SYN3: variants seen among roughly 807,000 people sequenced by gnomAD.
The protein encoded by SYN3 is synapsin-3.
A neutral mutation model predicts 65.8 loss-of-function variants in SYN3; 35 were observed. That is an observed-to-expected ratio of 0.53 (90% CI 0.41 to 0.70). The LOEUF is 0.70. Among genes scored for constraint, SYN3 ranks in the 30% least tolerant of loss-of-function variants. The pLI, the probability that SYN3 is intolerant of heterozygous loss-of-function variation, is 0.00. For missense variants in SYN3, 680 were observed against 749.0 expected, an observed-to-expected ratio of 0.91 and a Z score of 1.08; for synonymous variants, 270 against 292.9, an observed-to-expected ratio of 0.92 and a Z score of 0.80.
chr22:32,694,932 T>C (rs1393126844), intron 6 of SYN3, among the ~76,000 whole-genome samples: 1 of 152,204 alleles, frequency 6.6e-6, no homozygotes, highest in African/African-American at 2.4e-5. Context: ...TTTGTTACAA[T>C]AGCTTCAGAA....
rs183073727 is a variant in SYN3 at position 32,942,405 on chromosome 22, C to T, written c.370-10924G>A. ...AGGGTTCTGACTGTTAGAAGGAAAA[C>T]TAACAAACAGAAAGGACATCCACAA... On this transcript the variant is annotated intron_variant, in intron 3 of 13. Coordinates refer to ENST00000358763, the MANE Select transcript of SYN3 (RefSeq NM_003490.4). Among the ~76,000 whole-genome samples, 1,403 of 152,340 alleles carry T rather than the reference C, an allele frequency of 9.2e-3. 17 individuals carry two copies. The highest frequency in any genetic ancestry group is 0.031 in the African/African-American group (1,306 of 41,572).
chr22:32,720,791 G>GC (rs1459203862), intron 6 of SYN3, among the ~76,000 whole-genome samples: 2 of 152,136 alleles, frequency 1.3e-5, no homozygotes, highest in Admixed American at 1.3e-4. Context: ...GCCTGACTTG[G>GC]CGCCCAGGCC....
chr22:32,609,265 G>A lies in SYN3; in HGVS notation c.712-12529C>T, dbSNP rs929326816. ...CGTGAATCCGGGAGGCGGAGCTTTCGGTGAGCGGAGATGGAGCCACTACTC... is the reference window on the plus strand; with the variant it reads ...CGTGAATCCGGGAGGCGGAGCTTTCAGTGAGCGGAGATGGAGCCACTACTC... On this transcript the variant is annotated intron_variant, in intron 6 of 13. Transcript: ENST00000358763. Among the ~76,000 whole-genome samples, 177 of 151,982 alleles carry A rather than the reference G, an allele frequency of 1.2e-3. 1 individual carries two copies. The highest frequency in any genetic ancestry group is 3.1e-3 in the African/African-American group (127 of 41,458).
chr22:33,002,850 T>C (rs1483991029), intron 2 of SYN3, among the ~76,000 whole-genome samples: 2 of 152,222 alleles, frequency 1.3e-5, no homozygotes, highest in Non-Finnish European at 2.9e-5. Context: ...GGTTTGACTG[T>C]GTACTCACCC....
chr22:32,543,098 T>C lies in SYN3; in HGVS notation c.775-1385A>G, dbSNP rs757625021. On this transcript the variant is annotated intron_variant, in intron 7 of 13. Transcript: ENST00000358763. The stretch of plus-strand genomic sequence containing the variant: ...CTTCCGATCTTCCTCTCAGCCCTTT[T>C]CTGCCTGCCCTTTGTGGCTCAGCTT... 6.7e-4 allele frequency among the ~76,000 whole-genome samples: 102 copies of C among 152,158 alleles called. 1 individual carries two copies. The highest frequency in any genetic ancestry group is 2.5e-4 in the Non-Finnish European group (17 of 68,014).
intron 6 of SYN3, among the ~76,000 whole-genome samples, chr22:32,815,705 C>CT (rs989581502): frequency 2.1e-4 from 32 of 152,234 alleles, no homozygotes; most frequent in African/African-American, 7.7e-4. Context: ...CCTTGTCCTC[C>CT]TCATTCCACT....
intron 6 of SYN3, among the ~76,000 whole-genome samples, chr22:32,610,292 C>T (rs1342372134): frequency 2.6e-5 from 4 of 151,822 alleles, no homozygotes; most frequent in South Asian, 2.1e-4. Flanking sequence ...CTGCCCCCCC[C>T]AAAAAAAGAA....
chr22:32,573,947 T>A (rs1202796038), intron 7 of SYN3, among the ~76,000 whole-genome samples: 10 of 151,126 alleles, frequency 6.6e-5, no homozygotes, highest in South Asian at 2.1e-4. Context: ...TTTTTTTTTT[T>A]TTTTTATTTT....
chr22:33,055,861 T>C (rs969922158), intron 1 of SYN3, among the ~76,000 whole-genome samples: 4 of 152,196 alleles, frequency 2.6e-5, no homozygotes, highest in Non-Finnish European at 5.9e-5. Context: ...TTTCTCCCCA[T>C]CACCTAGGAT....
At chr22:32,752,478 G>A (rs1352916669) in intron 6 of SYN3, among the ~76,000 whole-genome samples, 1 of 152,210 alleles carries the variant, frequency 6.6e-6, no homozygotes, top group African/African-American at 2.4e-5. Flanking sequence ...AAGGTTGTGG[G>A]TCTGAGCTGC....
intron 6 of SYN3, among the ~76,000 whole-genome samples, chr22:32,660,231 C>T (rs1177096319): frequency 6.6e-6 from 1 of 152,206 alleles, no homozygotes; most frequent in East Asian, 1.9e-4. Context: ...TAAAGGGAGA[C>T]AGCCAGCTGA....
chr22:32,763,187 C>T (rs2045533407), intron 6 of SYN3, among the ~76,000 whole-genome samples: 2 of 151,686 alleles, frequency 1.3e-5, no homozygotes, highest in South Asian at 4.2e-4. Context: ...CACTCTGTCG[C>T]CCAGGCTGGA....
intron 6 of SYN3, among the ~76,000 whole-genome samples, chr22:32,604,766 G>A (rs1299770574): frequency 6.6e-6 from 1 of 152,154 alleles, no homozygotes. Flanking sequence ...AGCACTTTGG[G>A]AGGCTGAGGC....
chr22:33,018,410 C>A (rs1473278512), intron 1 of SYN3, among the ~76,000 whole-genome samples: 1 of 152,164 alleles, frequency 6.6e-6, no homozygotes, highest in Non-Finnish European at 1.5e-5. Context: ...CGTGGGTACC[C>A]AGCCCCATGC....
At chr22:32,847,221 T>C (rs1014344584) in intron 6 of SYN3, among the ~76,000 whole-genome samples, 2 of 152,208 alleles carry the variant, frequency 1.3e-5, no homozygotes, top group Non-Finnish European at 2.9e-5. Context: ...TGTTATAACC[T>C]GCCTGTGAGA....
rs183012220 is a variant in SYN3 at position 32,569,727 on chromosome 22, C to A, written c.774+26947G>T. Reference sequence around the variant, plus strand: ...GCTTTACTACTTCCTAACTATGTGACCTTGGGACATTTCTTAACTTCTCTA... The same window carrying A: ...GCTTTACTACTTCCTAACTATGTGAACTTGGGACATTTCTTAACTTCTCTA... On this transcript the variant is annotated intron_variant, in intron 7 of 13. Coordinates refer to ENST00000358763, the MANE Select transcript of SYN3 (RefSeq NM_003490.4). 5.7e-4 allele frequency among the ~76,000 whole-genome samples: 87 copies of A among 152,182 alleles called. 2 individuals carry two copies. The highest frequency in any genetic ancestry group is 2.0e-3 in the African/African-American group (83 of 41,524).
Position 32,533,816 on chromosome 22 carries a change from C to A in SYN3, c.1072G>T (p.Asp358Tyr). 1 of 1,613,780 alleles carries A rather than the reference C, an allele frequency of 6.2e-7. No individual in the cohort carries two copies. The highest frequency in any genetic ancestry group is 8.5e-7 in the Non-Finnish European group (1 of 1,179,776). ...ICAVKAVHSK[D>Y]GRDYIIEVMD... Reference sequence around the variant, plus strand: ...ACCTCGATGATGTAATCTCTGCCATCCTTGCTGTGGACAGCCTTGACGGCA... The same window carrying A: ...ACCTCGATGATGTAATCTCTGCCATACTTGCTGTGGACAGCCTTGACGGCA... The change falls in exon 10 of 14, where the codon GAT (aspartate) becomes TAT (tyrosine). Residue 358 changes from aspartate to tyrosine, a missense_variant. Physicochemically the swap from Asp to Tyr is radical, Grantham distance 160 (BLOSUM62 -3). Coordinates refer to ENST00000358763, the MANE Select transcript of SYN3 (RefSeq NM_003490.4).
chr22:32,668,382 C>CTTCCTTTCTCCTTCT (rs2060319446), intron 6 of SYN3, among the ~76,000 whole-genome samples: 1 of 149,664 alleles, frequency 6.7e-6, no homozygotes, highest in Admixed American at 6.7e-5. Flanking sequence ...CACTCCTTTC[C>CTTCCTTTCTCCTTCT]CCTTCTCTTT....
intron 4 of SYN3, among the ~76,000 whole-genome samples, chr22:32,875,494 T>A (rs946467013): frequency 1.3e-5 from 2 of 152,126 alleles, no homozygotes; most frequent in African/African-American, 4.8e-5. Flanking sequence ...CCCAGGAAGA[T>A]ATGTCGAGGT....
Sources: gnomAD v4.1 joint callset for allele counts (sites outside exome capture counted in the v4.1 genomes callset) on GRCh38, gnomAD v4.1.1 for gene constraint, MANE v1.5 for transcripts, NCBI Gene and HGNC (gene_info 2026-07-23, HGNC 2026-07-21) for gene names.